MAPK10: variants seen among roughly 807,000 people sequenced by gnomAD.
MAPK10 encodes JNK3 alpha protein kinase.
Under a neutral mutation model 59.3 loss-of-function variants are expected in MAPK10, and 25 were observed. The observed-to-expected ratio is 0.42, with a 90% confidence interval of 0.31 to 0.59. The LOEUF is 0.59. MAPK10 is among the 20% of genes least tolerant of loss of function. MAPK10 has a pLI of 0.15. For synonymous variants in MAPK10, 190 were observed against 200.5 expected, an observed-to-expected ratio of 0.95 and a Z score of 0.44; for missense variants, 351 against 568.9, an observed-to-expected ratio of 0.62 and a Z score of 3.90.
intron 4 of MAPK10, among the ~76,000 whole-genome samples, chr4:86,135,431 A>G (rs1443294371): frequency 6.6e-6 from 1 of 152,166 alleles, no homozygotes; most frequent in East Asian, 1.9e-4. Flanking sequence ...GGGCACACTG[A>G]AACCTCACAC....
At chr4:86,265,125 G>A (rs115617319) in intron 2 of MAPK10, among the ~76,000 whole-genome samples, 1,639 of 151,878 alleles carry the variant, frequency 0.011, 29 homozygotes, top group African/African-American at 0.038. Context: ...TCTTGACCTC[G>A]TGACGTACCT....
chr4:86,131,405 A>G (rs2060981678), intron 4 of MAPK10, among the ~76,000 whole-genome samples: 1 of 152,196 alleles, frequency 6.6e-6, no homozygotes, highest in Non-Finnish European at 1.5e-5. Context: ...AATAAAACCC[A>G]AACTGTATTT....
intron 2 of MAPK10, among the ~76,000 whole-genome samples, chr4:86,203,265 T>C (rs2083052561): frequency 6.6e-6 from 1 of 151,932 alleles, no homozygotes; most frequent in Admixed American, 6.6e-5. Flanking sequence ...AACAAAGCAA[T>C]AGGCCAAGTT....
At chr4:86,288,597 T>C (rs2095110854) in intron 2 of MAPK10, among the ~76,000 whole-genome samples, 1 of 152,012 alleles carries the variant, frequency 6.6e-6, no homozygotes, top group African/African-American at 2.4e-5. Flanking sequence ...TTGAATTGCT[T>C]CTTTAGGGAG....
intron 2 of MAPK10, chr4:86,340,394 T>C (rs11947620): frequency 0.55 from 84,382 of 152,834 alleles, 24,333 homozygotes; most frequent in South Asian, 0.71. Flanking sequence ...CTTCCAGTCA[T>C]GGCAGAAGGT....
chr4:86,182,211 TAATAAG>T (rs755929285), intron 3 of MAPK10, among the ~76,000 whole-genome samples: 4 of 152,036 alleles, frequency 2.6e-5, no homozygotes, highest in Non-Finnish European at 5.9e-5. Flanking sequence ...TTAAAAAAAA[TAATAAG>T]AGTAACTTCT....
At chr4:86,396,095 C>T (rs1564795609) in intron 1 of MAPK10, among the ~76,000 whole-genome samples, 1 of 152,226 alleles carries the variant, frequency 6.6e-6, no homozygotes. Context: ...CCTGTAATCC[C>T]AGCACTTTGG....
At chr4:86,427,467 C>T (rs914175382) in intron 1 of MAPK10, among the ~76,000 whole-genome samples, 8 of 152,064 alleles carry the variant, frequency 5.3e-5, no homozygotes, top group Non-Finnish European at 8.8e-5. Context: ...CAAAAGGATG[C>T]GTTTCTTGTC....
In MAPK10 at chr4:86,489,697, C is replaced by A. The variant is rs146564998; in HGVS notation, c.-263+104213G>T. On this transcript the variant is annotated intron_variant, in intron 1 of 4. Coordinates refer to the MAPK10 transcript ENST00000502302. ...GGAACAAAAGCACCCATCATTATAT[C>A]CCCTAGAGCTAGAGTCTTCTCAAAT... 9.4e-3 allele frequency among the ~76,000 whole-genome samples: 1,434 copies of A among 152,240 alleles called. 6 individuals carry two copies. The highest frequency in any genetic ancestry group is 0.014 in the Non-Finnish European group (958 of 68,014).
At chr4:86,224,192 G>T (rs1271157338) in intron 2 of MAPK10, among the ~76,000 whole-genome samples, 1 of 152,102 alleles carries the variant, frequency 6.6e-6, no homozygotes, top group Non-Finnish European at 1.5e-5. Context: ...GCATACTATG[G>T]GCCTGGAATT....
At chr4:86,551,623 T>G (rs1759796129) in intron 1 of MAPK10, among the ~76,000 whole-genome samples, 1 of 151,980 alleles carries the variant, frequency 6.6e-6, no homozygotes, top group South Asian at 2.1e-4. Flanking sequence ...TCTTTCTTTT[T>G]GAGATGGAGT....
At chr4:86,475,938 C>T (rs1333974721) in intron 1 of MAPK10, among the ~76,000 whole-genome samples, 1 of 152,110 alleles carries the variant, frequency 6.6e-6, no homozygotes, top group Non-Finnish European at 1.5e-5. Flanking sequence ...TCTACAATAC[C>T]GTTTGGCCCC....
intron 4 of MAPK10, among the ~76,000 whole-genome samples, chr4:86,130,993 A>T (rs2149139359): frequency 6.6e-6 from 1 of 152,228 alleles, no homozygotes; most frequent in East Asian, 1.9e-4. Context: ...AAGAAGAAAG[A>T]GGGGAAGATA....
chr4:86,251,378 A>T (rs1478974901), intron 2 of MAPK10, among the ~76,000 whole-genome samples: 1 of 142,602 alleles, frequency 7.0e-6, no homozygotes, highest in Middle Eastern at 3.2e-3. Context: ...TCCTGTGTCC[A>T]TGTGATCTCA....
chr4:86,404,098 A>C (rs1744064455), intron 1 of MAPK10, among the ~76,000 whole-genome samples: 1 of 152,196 alleles, frequency 6.6e-6, no homozygotes, highest in African/African-American at 2.4e-5. Context: ...GACTATTGTG[A>C]ACTCCCCAGA....
At chr4:86,294,435 G>A (rs2095305871) in intron 2 of MAPK10, among the ~76,000 whole-genome samples, 1 of 151,926 alleles carries the variant, frequency 6.6e-6, no homozygotes. Flanking sequence ...GTTGTGAAAG[G>A]CTTTTTATTA....
At chr4:86,170,709 C>T (rs941698666) in intron 3 of MAPK10, among the ~76,000 whole-genome samples, 2 of 151,956 alleles carry the variant, frequency 1.3e-5, no homozygotes, top group African/African-American at 2.4e-5. Flanking sequence ...GAACTCAGCT[C>T]TGCACCAAGC....
chr4:86,227,800 C>A (rs2090910119), intron 2 of MAPK10, among the ~76,000 whole-genome samples: 1 of 152,192 alleles, frequency 6.6e-6, no homozygotes, highest in African/African-American at 2.4e-5. Flanking sequence ...TCTTTCCTGT[C>A]CTTACCTCAC....
chr4:86,247,409 G>A (rs1408264670), intron 2 of MAPK10, among the ~76,000 whole-genome samples: 9 of 152,104 alleles, frequency 5.9e-5, no homozygotes, highest in Non-Finnish European at 1.3e-4. Flanking sequence ...ATACATTTTT[G>A]TTAACTCCCA....
Sources: gnomAD v4.1 joint callset for allele counts (sites outside exome capture counted in the v4.1 genomes callset) on GRCh38, gnomAD v4.1.1 for gene constraint, MANE v1.5 for transcripts, NCBI Gene and HGNC (gene_info 2026-07-23, HGNC 2026-07-21) for gene names.